KCNIP4: variants seen among roughly 807,000 people sequenced by gnomAD.
The protein encoded by KCNIP4 is Kv channel-interacting protein 4.
A neutral mutation model predicts 34.0 loss-of-function variants in KCNIP4; 12 were observed. The observed-to-expected ratio is 0.35, with a 90% CI of 0.23 to 0.57. KCNIP4 has a LOEUF of 0.57. KCNIP4 is among the 20% of genes least tolerant of loss of function. The pLI, the probability that KCNIP4 is intolerant of heterozygous loss-of-function variation, is 0.83. For synonymous variants in KCNIP4, 124 were observed against 102.2 expected (o/e 1.21, Z -1.29); for missense variants, 238 against 311.7 (o/e 0.76, Z 1.78).
chr4:21,751,039 C>CA (rs757332547), intron 1 of KCNIP4, among the ~76,000 whole-genome samples: 17 of 151,944 alleles, frequency 1.1e-4, no homozygotes, highest in Non-Finnish European at 1.6e-4. Flanking sequence ...TTAGGCCTTG[C>CA]AAAAAATGAA....
chr4:20,834,851 T>G (rs572098149), intron 3 of KCNIP4, among the ~76,000 whole-genome samples: 1 of 152,198 alleles, frequency 6.6e-6, no homozygotes, highest in African/African-American at 2.4e-5. Flanking sequence ...CCCAAGAGAG[T>G]TGCGCCATAG....
intron 1 of KCNIP4, among the ~76,000 whole-genome samples, chr4:21,740,438 C>T (rs1716315668): frequency 6.6e-6 from 1 of 151,822 alleles, no homozygotes. Context: ...TTTATTCCTT[C>T]TTTCCATAAA....
chr4:20,861,719 T>G (rs1722214556), intron 2 of KCNIP4, among the ~76,000 whole-genome samples: 1 of 152,156 alleles, frequency 6.6e-6, no homozygotes, highest in Non-Finnish European at 1.5e-5. Flanking sequence ...ATTTCCATTC[T>G]AGGAGAATGA....
At position 21,419,079 on chromosome 4, in the gene KCNIP4, T is replaced by C. The variant is rs1238330904; in HGVS notation, c.61+529492A>G. ...TTCACCTGTCCTCCATAATGCACTA[T>C]GCATGGAATACGAATCAAGGTTGAT... On this transcript the variant is annotated intron_variant, in intron 1 of 8. Coordinates refer to ENST00000382152, the MANE Select transcript of KCNIP4 (RefSeq NM_025221.6). Among the ~76,000 whole-genome samples the C allele has an allele frequency of 3.3e-5, 5 of 152,194 alleles. No individual in the cohort carries two copies. In the East Asian group the frequency reaches 5.8e-4, roughly 18 times the overall value.
chr4:21,714,383 C>A (rs1191239916), intron 1 of KCNIP4, among the ~76,000 whole-genome samples: 1 of 151,934 alleles, frequency 6.6e-6, no homozygotes, highest in East Asian at 1.9e-4. Context: ...AGTCTTTCTA[C>A]AGCATCGGCT....
chr4:21,390,587 A>G (rs1344257287), intron 1 of KCNIP4, among the ~76,000 whole-genome samples: 1 of 152,020 alleles, frequency 6.6e-6, no homozygotes, highest in Non-Finnish European at 1.5e-5. Flanking sequence ...TGTTTTTGTC[A>G]GGTTTGTGAA....
intron 1 of KCNIP4, among the ~76,000 whole-genome samples, chr4:21,195,305 T>TA (rs1560799590): frequency 6.6e-6 from 1 of 152,214 alleles, no homozygotes; most frequent in Non-Finnish European, 1.5e-5. Flanking sequence ...GCAATTCAAT[T>TA]GGGAATATAT....
At chr4:21,114,499 C>T (rs904701843) in intron 1 of KCNIP4, among the ~76,000 whole-genome samples, 1 of 151,736 alleles carries the variant, frequency 6.6e-6, no homozygotes, top group African/African-American at 2.4e-5. Flanking sequence ...TTTCTTAAAC[C>T]CATTCTATTA....
intron 1 of KCNIP4, chr4:21,845,721 A>T (rs537533697): frequency 2.0e-5 from 3 of 152,064 alleles, no homozygotes; most frequent in Non-Finnish European, 4.4e-5. Context: ...CACCAGACTC[A>T]CTAACTGCCT....
At chr4:21,888,007 T>A (rs995698924) in intron 1 of KCNIP4, among the ~76,000 whole-genome samples, 1 of 141,350 alleles carries the variant, frequency 7.1e-6, no homozygotes, top group Non-Finnish European at 1.5e-5. Context: ...ACACTTACTA[T>A]GTGCCAGGTA....
At chr4:21,459,690 C>T (rs912939275) in intron 1 of KCNIP4, among the ~76,000 whole-genome samples, 21 of 152,020 alleles carry the variant, frequency 1.4e-4, no homozygotes, top group African/African-American at 5.1e-4. Context: ...CTTTACTCTC[C>T]CCCCATTTCA....
chr4:21,334,941 C>T (rs1419194346), intron 1 of KCNIP4, among the ~76,000 whole-genome samples: 2 of 152,028 alleles, frequency 1.3e-5, no homozygotes, highest in Admixed American at 6.6e-5. Flanking sequence ...ATTTTGACTT[C>T]GACAAATCAT....
chr4:21,368,595 A>G (rs571828941), intron 1 of KCNIP4, among the ~76,000 whole-genome samples: 2 of 147,400 alleles, frequency 1.4e-5, no homozygotes, highest in African/African-American at 5.4e-5. Flanking sequence ...GGTTACACAA[A>G]TACTAAGTGA....
intron 1 of KCNIP4, among the ~76,000 whole-genome samples, chr4:21,126,257 G>A (rs2109152786): frequency 6.6e-6 from 1 of 152,256 alleles, no homozygotes; most frequent in African/African-American, 2.4e-5. Context: ...AAGATTTTGT[G>A]GAGACCATTA....
chr4:21,946,857 G>C (rs1033035794), intron 1 of KCNIP4, among the ~76,000 whole-genome samples: 1 of 152,102 alleles, frequency 6.6e-6, no homozygotes, highest in Non-Finnish European at 1.5e-5. Flanking sequence ...AGCAGTAAAA[G>C]GTTTGCTTTT....
intron 1 of KCNIP4, among the ~76,000 whole-genome samples, chr4:20,946,825 T>C (rs545556604): frequency 6.6e-6 from 1 of 151,974 alleles, no homozygotes; most frequent in Non-Finnish European, 1.5e-5. Flanking sequence ...TGAAATGGGG[T>C]CCTAATCTGT....
intron 1 of KCNIP4, among the ~76,000 whole-genome samples, chr4:21,225,571 G>T (rs1433164655): frequency 6.6e-6 from 1 of 152,052 alleles, no homozygotes; most frequent in South Asian, 2.1e-4. Flanking sequence ...ATAATCGCTG[G>T]ATTTTTGATG....
Position 21,303,670 on chromosome 4 carries a change from G to A in KCNIP4, c.62-420961C>T, listed in dbSNP as rs578034746. 4.2e-5 allele frequency: 25 copies of A among 599,962 alleles called. No individual in the cohort carries two copies. In the African/African-American group the frequency reaches 4.7e-4, roughly 11 times the overall value. The allele number at this position is 599,962 out of a possible 1,614,324, so 37.2% of individuals were successfully genotyped here. ...TTATTTCATTAATCTTTCCTACCCT[G>A]AAAAACCTGGCTTCCTTCATGTCCA... is the stretch of plus-strand genomic sequence containing the variant. On this transcript the variant is annotated intron_variant, in intron 1 of 8. Coordinates refer to ENST00000382152, the MANE Select transcript of KCNIP4 (RefSeq NM_025221.6).
chr4:20,984,697 A>G (rs1736418337), intron 1 of KCNIP4, among the ~76,000 whole-genome samples: 1 of 152,146 alleles, frequency 6.6e-6, no homozygotes, highest in Non-Finnish European at 1.5e-5. Context: ...TAGTCCTTAT[A>G]TTATATTTAC....
Sources: allele counts gnomAD v4.1 joint callset (sites outside exome capture counted in the v4.1 genomes callset), GRCh38; gene constraint gnomAD v4.1.1; transcripts MANE v1.5; gene names NCBI Gene and HGNC (gene_info 2026-07-23, HGNC 2026-07-21).